The following LPGAT1 variants were observed in gnomAD, a reference collection of about 807,000 sequenced individuals.
LPGAT1 encodes the protein acyl-CoA:lysophosphatidylglycerol acyltransferase 1.
Under a neutral mutation model 47.5 loss-of-function variants are expected in LPGAT1, and 11 were observed. The observed-to-expected ratio is 0.23, with a 90% CI of 0.15 to 0.38. The LOEUF (loss-of-function observed/expected upper bound fraction) is 0.38. Among genes scored for constraint, LPGAT1 ranks in the 10% least tolerant of loss-of-function variants. The pLI, the probability that LPGAT1 is intolerant of heterozygous loss-of-function variation, is 1.00. For missense variants in LPGAT1, 293 were observed against 439.0 expected, an observed-to-expected ratio of 0.67 and a Z score of 2.97; for synonymous variants, 138 against 144.2, an observed-to-expected ratio of 0.96 and a Z score of 0.31.
At chr1:211,784,490 CAAAAAAA>C (rs373021672) in intron 4 of LPGAT1, among the ~76,000 whole-genome samples, 27 of 112,538 alleles carry the variant, frequency 2.4e-4, no homozygotes, top group African/African-American at 8.4e-4. Flanking sequence ...GACCCTGTCT[CAAAAAAA>C]AAAAAAAAAA....
chr1:211,753,999 G>A (rs573982729), intron 6 of LPGAT1, among the ~76,000 whole-genome samples: 7 of 152,300 alleles, frequency 4.6e-5, no homozygotes, highest in Admixed American at 1.3e-4. Context: ...GTGAAGGCCC[G>A]ATTGCTAGCT....
chr1:211,817,161 C>T (rs1470125241), intron 2 of LPGAT1, among the ~76,000 whole-genome samples: 1 of 152,172 alleles, frequency 6.6e-6, no homozygotes, highest in Non-Finnish European at 1.5e-5. Flanking sequence ...CCTCAATTAA[C>T]TTTAATAAAT....
Position 211,830,671 on chromosome 1 carries a change from C to A in LPGAT1, c.-126G>T. ...CCGGCGGAAGAAGGCGGTGGCGGGG[C>A]CCTGCCCCGCTCCGGCTGTGGCGCG... On this transcript the variant is annotated 5_prime_UTR_variant, in exon 1 of 8. Coordinates refer to ENST00000366997, the MANE Select transcript of LPGAT1 (RefSeq NM_014873.3). The surrounding 1 kb of genome is among the most constrained non-coding windows in gnomAD (Gnocchi z 5.9). 3 of 1,193,694 alleles carry A rather than the reference C, an allele frequency of 2.5e-6. No individual in the cohort carries two copies. Among genetic ancestry groups the A allele is most frequent in the Non-Finnish European group, 3.1e-6 (3 of 965,808 alleles). The allele number at this position is 1,193,694 out of a possible 1,614,324, so 73.9% of individuals were successfully genotyped here. A position where few individuals can be genotyped will look rare whatever the true frequency, so the allele number is the denominator to read the frequency against.
chr1:211,755,378 A>G (rs1558253615), intron 6 of LPGAT1, among the ~76,000 whole-genome samples: 1 of 151,830 alleles, frequency 6.6e-6, no homozygotes, highest in Non-Finnish European at 1.5e-5. Context: ...ATTTTATAGT[A>G]TAGATAGTAG....
rs1657014363 is a variant in LPGAT1 at position 211,748,075 on chromosome 1, T to A, written c.*1824A>T. On this transcript the variant is annotated 3_prime_UTR_variant, in exon 8 of 8. Coordinates refer to ENST00000366997, the MANE Select transcript of LPGAT1 (RefSeq NM_014873.3). ...CACATAACTGGGGAAAATTCACATC[T>A]TTTCTGTTTTTTTTTGGTTTATTTA... 6.6e-6 allele frequency: 1 copy of A among 150,928 alleles called. No individual in the cohort carries two copies. The highest frequency in any genetic ancestry group is 2.1e-4 in the South Asian group (1 of 4,744). The allele number at this position is 150,928 out of a possible 1,614,324, so 9.3% of individuals were successfully genotyped here.
chr1:211,815,777 T>C (rs1028984999), intron 2 of LPGAT1, among the ~76,000 whole-genome samples: 16 of 137,034 alleles, frequency 1.2e-4, no homozygotes, highest in African/African-American at 4.4e-4. Flanking sequence ...GCTTTTCTTT[T>C]TTTTTTTTTT....
intron 2 of LPGAT1, among the ~76,000 whole-genome samples, chr1:211,798,854 G>T (rs529882836): frequency 6.6e-6 from 1 of 152,182 alleles, no homozygotes; most frequent in Non-Finnish European, 1.5e-5. Context: ...AAGTGGCCAT[G>T]AGAGAGTGGC....
chr1:211,829,556 A>T (rs1489527453), intron 1 of LPGAT1: 1 of 1,362,214 alleles, frequency 7.3e-7, no homozygotes, highest in East Asian at 2.8e-5. Flanking sequence ...ATGTCACAAT[A>T]TATTTAGCAA....
In LPGAT1 at chr1:211,830,226, G is replaced by A; in HGVS notation, c.-28+347C>T. On this transcript the variant is annotated intron_variant, in intron 1 of 7. Transcript: ENST00000366997. The surrounding 1 kb of genome is among the most constrained non-coding windows in gnomAD (Gnocchi z 5.9). ...CGGGCGGCTGCGGAGAGCGGGGGCG[G>A]GTGTCCCCCGCCGAGGGGTCGCGGT... The A allele has an allele frequency of 1.0e-6, 1 of 984,234 alleles. No individual in the cohort carries two copies. Among genetic ancestry groups the A allele is most frequent in the Non-Finnish European group, 1.2e-6 (1 of 829,836 alleles). The allele number at this position is 984,234 out of a possible 1,614,324, so 61.0% of individuals were successfully genotyped here.
At chr1:211,771,629 G>A (rs1240446340) in intron 6 of LPGAT1, among the ~76,000 whole-genome samples, 10 of 151,800 alleles carry the variant, frequency 6.6e-5, no homozygotes, top group African/African-American at 1.7e-4. Context: ...TCAGCCTCCC[G>A]AGTAGCTGGG....
At chr1:211,794,462 T>C (rs1170494231) in intron 2 of LPGAT1, among the ~76,000 whole-genome samples, 1 of 152,062 alleles carries the variant, frequency 6.6e-6, no homozygotes, top group Non-Finnish European at 1.5e-5. Context: ...TGTCACCAAG[T>C]CCAGCTAACT....
Position 211,783,401 on chromosome 1 carries a change from C to A in LPGAT1, c.555G>T (p.Gly185=), listed in dbSNP as rs1658721080. The change falls in exon 5 of 8, where the codon GGG becomes GGT. Residue 185 remains glycine (G), a synonymous_variant. Coordinates refer to ENST00000366997, the MANE Select transcript of LPGAT1 (RefSeq NM_014873.3). Reference sequence around the variant, plus strand: ...TTTCTCGCCTCTTCCTGAGGAAGCCCCCTTCTGGAAACAAAACAATCCATT... The same window carrying A: ...TTTCTCGCCTCTTCCTGAGGAAGCCACCTTCTGGAAACAAAACAATCCATT... ...DRKWIVLFPE[G]GFLRKRRETS... 1.2e-6 allele frequency: 2 copies of A among 1,614,138 alleles called. No homozygotes were observed.
intron 6 of LPGAT1, among the ~76,000 whole-genome samples, chr1:211,752,554 C>G (rs1282704464): frequency 6.6e-6 from 1 of 152,204 alleles, no homozygotes; most frequent in Admixed American, 6.5e-5. Context: ...TTAACTACCT[C>G]CTTTATTGTC....
intron 7 of LPGAT1, 49 bp from the exon 8 acceptor site, chr1:211,750,099 C>G: frequency 6.5e-7 from 1 of 1,530,474 alleles, no homozygotes; most frequent in South Asian, 1.1e-5. Context: ...AATGGTAGGT[C>G]TCCTGGAATA....
intron 4 of LPGAT1, among the ~76,000 whole-genome samples, chr1:211,785,945 T>C (rs1658861255): frequency 6.6e-6 from 1 of 152,106 alleles, no homozygotes; most frequent in Non-Finnish European, 1.5e-5. Context: ...TAGAATCAAC[T>C]GTTACACTAC....
chr1:211,805,081 C>T (rs551938561), intron 2 of LPGAT1, among the ~76,000 whole-genome samples: 2 of 145,342 alleles, frequency 1.4e-5, no homozygotes, highest in Non-Finnish European at 3.0e-5. Context: ...AACAAAATAC[C>T]AAAGTCAAAA....
At chr1:211,760,265 C>T (rs1478206740) in intron 6 of LPGAT1, among the ~76,000 whole-genome samples, 1 of 152,176 alleles carries the variant, frequency 6.6e-6, no homozygotes, top group Non-Finnish European at 1.5e-5. Flanking sequence ...ACCATCCTGG[C>T]TAACACAGAG....
chr1:211,746,651 T>C lies in LPGAT1; in HGVS notation c.*3248A>G, dbSNP rs1340911482. 2 of 152,250 alleles carry C rather than the reference T, an allele frequency of 1.3e-5. No homozygotes were observed. Among genetic ancestry groups the C allele is most frequent in the Non-Finnish European group, 2.9e-5 (2 of 68,046 alleles). The allele number at this position is 152,250 out of a possible 1,614,324, so 9.4% of individuals were successfully genotyped here. A position where few individuals can be genotyped will look rare whatever the true frequency, so the allele number is the denominator to read the frequency against. ...TTTATAGTGGAAAGTTAAGGATTGG[T>C]TGTAATATTAAAGACCAATAAGATA... On this transcript the variant is annotated 3_prime_UTR_variant, in exon 8 of 8. Coordinates refer to ENST00000366997, the MANE Select transcript of LPGAT1 (RefSeq NM_014873.3).
intron 2 of LPGAT1, 41 bp downstream of exon 2, chr1:211,829,018 A>AT: frequency 1.2e-6 from 2 of 1,600,246 alleles, no homozygotes; most frequent in Non-Finnish European, 1.7e-6. Context: ...TTCCTGACAA[A>AT]TTTTTTCTTA....
Sources: gnomAD v4.1 joint callset for allele counts (sites outside exome capture counted in the v4.1 genomes callset) on GRCh38, gnomAD v4.1.1 for gene constraint, Gnocchi (gnomAD v3.1) non-coding constraint, MANE v1.5 for transcripts, NCBI Gene and HGNC (gene_info 2026-07-23, HGNC 2026-07-21) for gene names.